SCHIP1: variants seen among roughly 807,000 people sequenced by gnomAD.
SCHIP1 encodes the protein schwannomin-interacting protein 1.
A neutral mutation model predicts 29.7 loss-of-function variants in SCHIP1; 8 were observed. That is an observed-to-expected ratio of 0.27 (90% confidence interval 0.16 to 0.49). The LOEUF (loss-of-function observed/expected upper bound fraction) is 0.49. Ranked by LOEUF, SCHIP1 falls within the 20% of genes least tolerant of loss-of-function variation. The pLI is 0.99. For missense variants in SCHIP1, 193 were observed against 294.6 expected (o/e 0.66, Z 2.52); for synonymous variants, 76 against 94.9 (o/e 0.80, Z 1.16).
chr3:159,778,268 C>T, the SCHIP1 span, among the ~76,000 whole-genome samples: 1 of 152,220 alleles, frequency 6.6e-6, no homozygotes, highest in Non-Finnish European at 1.5e-5. Context: ...GCTGGGATTA[C>T]AGGCGTGAGC....
the SCHIP1 span, among the ~76,000 whole-genome samples, chr3:159,446,104 A>C: frequency 3.3e-5 from 5 of 152,090 alleles, no homozygotes; most frequent in African/African-American, 1.2e-4. Context: ...CAGGATGTCA[A>C]CTTTTACCCT....
At chr3:159,482,291 A>G in the SCHIP1 span, among the ~76,000 whole-genome samples, 1 of 152,116 alleles carries the variant, frequency 6.6e-6, no homozygotes, top group Admixed American at 6.6e-5. Flanking sequence ...ACACCTATTT[A>G]TATTTATTGC....
chr3:159,840,008 C>T (rs909324916), exon 1 of SCHIP1: 5 of 1,435,576 alleles, frequency 3.5e-6, no homozygotes, highest in Non-Finnish European at 4.5e-6. Flanking sequence ...GCGCGCTTCC[C>T]GGCACAGGCA....
chr3:159,357,504 C>G, the SCHIP1 span, among the ~76,000 whole-genome samples: 1 of 152,192 alleles, frequency 6.6e-6, no homozygotes, highest in African/African-American at 2.4e-5. Context: ...GACAGGAACT[C>G]TTGCCTCTTC....
At chr3:159,390,399 T>A in the SCHIP1 span, among the ~76,000 whole-genome samples, 1 of 152,108 alleles carries the variant, frequency 6.6e-6, no homozygotes, top group African/African-American at 2.4e-5. Context: ...GTTGGGATAA[T>A]TATGAGGCTT....
At chr3:159,728,733 A>T in the SCHIP1 span, among the ~76,000 whole-genome samples, 59 of 152,324 alleles carry the variant, frequency 3.9e-4, no homozygotes, top group African/African-American at 1.4e-3. Flanking sequence ...GACTTGGGAA[A>T]GCTCAGGTGA....
At chr3:159,847,716 T>A (rs534400018) in intron 1 of SCHIP1, among the ~76,000 whole-genome samples, 159 of 152,304 alleles carry the variant, frequency 1.0e-3, no homozygotes, top group Non-Finnish European at 1.9e-3. Flanking sequence ...AAATGTGTGA[T>A]ACTCTGTCTA....
the SCHIP1 span, among the ~76,000 whole-genome samples, chr3:159,385,197 C>G: frequency 6.6e-6 from 1 of 152,200 alleles, no homozygotes; most frequent in Non-Finnish European, 1.5e-5. Flanking sequence ...AAATTGCTCT[C>G]TCTGCCTAAT....
At chr3:159,643,516 A>T in the SCHIP1 span, among the ~76,000 whole-genome samples, 3 of 152,108 alleles carry the variant, frequency 2.0e-5, no homozygotes, top group Non-Finnish European at 4.4e-5. Context: ...TAGCAAGCCT[A>T]TGTGGGAAGT....
intron 1 of SCHIP1, among the ~76,000 whole-genome samples, chr3:159,848,382 G>C (rs1295870960): frequency 6.6e-6 from 1 of 152,192 alleles, no homozygotes; most frequent in Non-Finnish European, 1.5e-5. Context: ...AGGAGTGGCT[G>C]TCTCCCCATT....
rs1744394617 is a variant in SCHIP1, at chr3:159,843,001, C to CTTCTTTTTTTTTTTTTTTT, written c.30+2789_30+2790insCTTTTTTTTTTTTTTTTTT. On this transcript the variant is annotated intron_variant, in intron 1 of 6. Coordinates refer to ENST00000445224, the Ensembl canonical transcript of SCHIP1. ...TCCAGTTCTATCCCAATATTTCTTTCTTTTTTTTTTTTTTTTTTTTTTTTT... is the reference window on the plus strand; with the variant it reads ...TCCAGTTCTATCCCAATATTTCTTTCTTCTTTTTTTTTTTTTTTTTTTTTTTTTTTTTTTTTTTTTTTTT... 2.8e-4 allele frequency among the ~76,000 whole-genome samples: 18 copies of CTTCTTTTTTTTTTTTTTTT among 63,736 alleles called. 1 individual carries two copies. The highest frequency in any genetic ancestry group is 8.5e-4 in the African/African-American group (18 of 21,206). The allele number at this position is 63,736 out of a possible 152,430, so 41.8% of individuals were successfully genotyped here.
chr3:159,614,516 C>T, the SCHIP1 span, among the ~76,000 whole-genome samples: 26,208 of 151,998 alleles, frequency 0.17, 6,441 homozygotes, highest in African/African-American at 0.55. Flanking sequence ...AACCTAACCA[C>T]GGTGCTGTTA....
chr3:159,694,137 A>G, the SCHIP1 span, among the ~76,000 whole-genome samples: 2 of 152,166 alleles, frequency 1.3e-5, no homozygotes, highest in South Asian at 2.1e-4. Flanking sequence ...CTTGGAATAA[A>G]CAAAGCCCTA....
In SCHIP1 at chr3:159,894,995, T is replaced by C. The variant is rs3773787; in HGVS notation, c.684-1728T>C. On this transcript the variant is annotated intron_variant, in intron 6 of 6. Transcript: ENST00000445224. ...ATAGGAGTGTGTGTGCATGAGCATG[T>C]ACATAGTAGTATATTTTAAAAATTA... Among the ~76,000 whole-genome samples the C allele has an allele frequency of 4.6e-5, 7 of 152,346 alleles. No individual in the cohort carries two copies. The East Asian group carries it at 1.3e-3, about 29-fold the overall frequency.
chr3:159,589,473 C>A, the SCHIP1 span, among the ~76,000 whole-genome samples: 5 of 152,164 alleles, frequency 3.3e-5, no homozygotes, highest in East Asian at 1.9e-4. Flanking sequence ...TGCCTGATTG[C>A]CCTGGCCAGA....
At chr3:159,731,890 C>T in the SCHIP1 span, among the ~76,000 whole-genome samples, 2 of 151,936 alleles carry the variant, frequency 1.3e-5, no homozygotes, top group Non-Finnish European at 2.9e-5. Flanking sequence ...TTTCTGCTGC[C>T]GAGGCTGGAG....
Position 159,861,080 on chromosome 3 carries a change from G to C in SCHIP1, c.31-5083G>C, listed in dbSNP as rs1394826246. 1.3e-5 allele frequency among the ~76,000 whole-genome samples: 2 copies of C among 152,304 alleles called. No homozygotes were observed. The highest frequency in any genetic ancestry group is 3.9e-4 in the East Asian group (2 of 5,192). ...CCCAGATTTTCCCACAAAAAATATAGTTTGTTAATTAAATAGATTTTGAAA... is the reference window on the plus strand; with the variant it reads ...CCCAGATTTTCCCACAAAAAATATACTTTGTTAATTAAATAGATTTTGAAA... On this transcript the variant is annotated intron_variant, in intron 1 of 6. Transcript: ENST00000445224. This position sits in a 1 kb window ranked among gnomAD's most constrained non-coding sequence, Gnocchi z 4.1.
At chr3:159,860,843 G>A (rs960873906) in intron 1 of SCHIP1, among the ~76,000 whole-genome samples, 1 of 152,124 alleles carries the variant, frequency 6.6e-6, no homozygotes, top group African/African-American at 2.4e-5. Flanking sequence ...TGATTCCCTA[G>A]GCCAGGTTTC....
At chr3:159,308,094 G>C in the SCHIP1 span, among the ~76,000 whole-genome samples, 2 of 152,022 alleles carry the variant, frequency 1.3e-5, no homozygotes, top group South Asian at 4.1e-4. Context: ...TTTTAGAATA[G>C]TTTTTATTCT....
Sources: allele counts gnomAD v4.1 joint callset (sites outside exome capture counted in the v4.1 genomes callset), GRCh38; gene constraint gnomAD v4.1.1; non-coding constraint Gnocchi (gnomAD v3.1); transcripts MANE v1.5; gene names NCBI Gene and HGNC (gene_info 2026-07-23, HGNC 2026-07-21).